Variants in CAGE1 observed in about 807,000 individuals in gnomAD.
CAGE1 encodes cancer antigen 1.
A neutral mutation model predicts 94.9 loss-of-function variants in CAGE1; 66 were observed. The observed-to-expected ratio is 0.70, with a 90% CI of 0.57 to 0.85. CAGE1 has a LOEUF of 0.85. CAGE1 is among the 40% of genes least tolerant of loss of function. CAGE1 has a pLI of 0.00. For missense variants in CAGE1, 865 were observed against 950.4 expected (o/e 0.91, Z 1.18); for synonymous variants, 319 against 321.0 (o/e 0.99, Z 0.07).
In CAGE1 at chr6:7,334,013, G is replaced by A; in HGVS notation, c.2438+9C>T. On this transcript the variant is annotated intron_variant, in intron 12 of 13. Coordinates refer to ENST00000502583, the MANE Select transcript of CAGE1 (RefSeq NM_001170692.2). ...ACATTATTAATTTTAAAAATAAAGGGAAACTTACCTTGGTTTTCTGGCTTT... is the reference window on the plus strand; with the variant it reads ...ACATTATTAATTTTAAAAATAAAGGAAAACTTACCTTGGTTTTCTGGCTTT... The A allele has an allele frequency of 1.3e-6, 2 of 1,495,364 alleles. No homozygotes were observed. The highest frequency in any genetic ancestry group is 9.1e-7 in the Non-Finnish European group (1 of 1,100,600). 92.6% of individuals were successfully genotyped at this position (1,495,364 alleles called of 1,614,324 possible).
intron 13 of CAGE1, among the ~76,000 whole-genome samples, chr6:7,327,308 C>T (rs1452124900): frequency 6.6e-6 from 1 of 152,064 alleles, no homozygotes; most frequent in African/African-American, 2.4e-5. Flanking sequence ...CCACCTCAGC[C>T]TCCCAAAGTG....
intron 11 of CAGE1, among the ~76,000 whole-genome samples, chr6:7,353,685 T>TTA (rs1322760668): frequency 1.4e-5 from 2 of 140,230 alleles, no homozygotes; most frequent in Non-Finnish European, 3.0e-5. Flanking sequence ...GAAACTGTTA[T>TTA]TATATATATG....
intron 4 of CAGE1, among the ~76,000 whole-genome samples, chr6:7,377,609 C>T (rs1263003898): frequency 3.9e-5 from 6 of 152,030 alleles, no homozygotes; most frequent in South Asian, 2.1e-4. Context: ...TGGTGGCACA[C>T]GCTTATAATC....
intron 11 of CAGE1, among the ~76,000 whole-genome samples, chr6:7,353,110 A>G (rs747527048): frequency 1.6e-4 from 25 of 152,214 alleles, no homozygotes; most frequent in Non-Finnish European, 3.4e-4. Flanking sequence ...CAGACAACCC[A>G]CAGAGTGGGA....
chr6:7,336,188 A>G (rs577004741), intron 11 of CAGE1, among the ~76,000 whole-genome samples: 24 of 152,234 alleles, frequency 1.6e-4, no homozygotes, highest in Non-Finnish European at 3.4e-4. Flanking sequence ...CATGGAATAA[A>G]TCTTCTGTAT....
At chr6:7,334,127 G>T (rs2113348393) in intron 11 of CAGE1, 37 bp from the exon 12 acceptor site, 1 of 1,332,230 alleles carries the variant, frequency 7.5e-7, no homozygotes, top group Non-Finnish European at 1.0e-6. Context: ...TGACTAAAAT[G>T]GACTTTTCTA....
intron 11 of CAGE1, among the ~76,000 whole-genome samples, chr6:7,334,902 A>T (rs1425971619): frequency 6.6e-6 from 1 of 152,120 alleles, no homozygotes; most frequent in African/African-American, 2.4e-5. Context: ...AATCAACACA[A>T]ATTCTGTGGC....
At chr6:7,341,434 C>G in intron 11 of CAGE1, 2 of 975,378 alleles carry the variant, frequency 2.1e-6, no homozygotes, top group Admixed American at 3.5e-5. Context: ...GCATGTAAAT[C>G]TCATCTATGA....
chr6:7,333,993 A>G, intron 12 of CAGE1, 29 bp downstream of exon 12: 1 of 1,383,604 alleles, frequency 7.2e-7, no homozygotes, highest in Non-Finnish European at 1.0e-6. Context: ...TAAAGACATT[A>G]TTAATTTTAA....
At chr6:7,334,748 G>C (rs867794581) in intron 11 of CAGE1, among the ~76,000 whole-genome samples, 89 of 104,306 alleles carry the variant, frequency 8.5e-4, no homozygotes, top group African/African-American at 4.1e-3. Context: ...AAAAAGGAAA[G>C]AAAGAAAATA....
chr6:7,387,313 G>C (rs1210760576), intron 1 of CAGE1, 117 bp from the exon 2 acceptor site: 3 of 626,394 alleles, frequency 4.8e-6, no homozygotes, highest in Non-Finnish European at 8.2e-6. Context: ...CATTTGTCAA[G>C]TTATTAGAAA....
chr6:7,364,679 A>G (rs1269351909), intron 9 of CAGE1, among the ~76,000 whole-genome samples: 2 of 151,902 alleles, frequency 1.3e-5, no homozygotes, highest in African/African-American at 4.8e-5. Flanking sequence ...CATCTTGGCC[A>G]GGGTGGTCTT....
chr6:7,387,233 C>A, intron 1 of CAGE1, 37 bp from the exon 2 acceptor site: 2 of 1,270,044 alleles, frequency 1.6e-6, no homozygotes, highest in Non-Finnish European at 2.2e-6. Flanking sequence ...TAGGTATAAA[C>A]AAAAAGTTTT....
intron 5 of CAGE1, among the ~76,000 whole-genome samples, chr6:7,372,526 C>T (rs1431877700): frequency 1.3e-5 from 2 of 150,544 alleles, no homozygotes; most frequent in Non-Finnish European, 3.0e-5. Context: ...GCAATGAGTA[C>T]CCACAAAATT....
chr6:7,366,373 G>A (rs1760335726), intron 7 of CAGE1, among the ~76,000 whole-genome samples: 1 of 152,126 alleles, frequency 6.6e-6, no homozygotes, highest in Non-Finnish European at 1.5e-5. Context: ...TAGGCTTAGA[G>A]AGGCCTGCTG....
In CAGE1 at chr6:7,355,051, G is replaced by T; in HGVS notation, c.2359C>A (p.Gln787Lys). Reference protein sequence around the residue: ...ADQRLAISHSQIAHLEERNKH... With the variant: ...ADQRLAISHSKIAHLEERNKH... ...GTTTTTTCAACTTACTGTGCAATCT[G>T]GGAGTGGGATATTGCAAGCCTTTGG... is the stretch of plus-strand genomic sequence containing the variant. Residue 787 changes from glutamine (Q) to lysine (K), a missense_variant, in exon 11 of 14, where the codon CAG becomes AAG. Coordinates refer to ENST00000502583, the MANE Select transcript of CAGE1 (RefSeq NM_001170692.2). The T allele has an allele frequency of 6.2e-7, 1 of 1,604,302 alleles. No individual in the cohort carries two copies. The highest frequency in any genetic ancestry group is 8.5e-7 in the Non-Finnish European group (1 of 1,173,380).
chr6:7,381,490 A>G (rs1049965476), intron 3 of CAGE1, among the ~76,000 whole-genome samples: 1 of 151,424 alleles, frequency 6.6e-6, no homozygotes, highest in African/African-American at 2.4e-5. Context: ...TGGCAGCCCC[A>G]GTAAACTACT....
intron 11 of CAGE1, 96 bp downstream of exon 11, chr6:7,354,945 T>C: frequency 1.2e-6 from 1 of 856,802 alleles, no homozygotes; most frequent in African/African-American, 1.7e-5. Context: ...TGCACATTTT[T>C]CTTCTTTCTA....
chr6:7,358,340 C>T (rs1235976401), intron 9 of CAGE1, among the ~76,000 whole-genome samples: 1 of 151,790 alleles, frequency 6.6e-6, no homozygotes, highest in African/African-American at 2.4e-5. Context: ...TTTTGAGGTT[C>T]TTCTATGTTG....
Sources: gnomAD v4.1 joint callset for allele counts (sites outside exome capture counted in the v4.1 genomes callset) on GRCh38, gnomAD v4.1.1 for gene constraint, MANE v1.5 for transcripts, NCBI Gene and HGNC (gene_info 2026-07-23, HGNC 2026-07-21) for gene names.